CFAP299: variants seen among roughly 807,000 people sequenced by gnomAD.
CFAP299 encodes cilia- and flagella-associated protein 299.
In CFAP299, 21 loss-of-function variants were observed where a neutral mutation model predicts 27.0. That is an observed-to-expected ratio of 0.78 (90% CI 0.55 to 1.12). CFAP299 has a LOEUF of 1.12. CFAP299 is among the 50% of genes most tolerant of loss of function. CFAP299 has a pLI of 0.00. For missense variants in CFAP299, 310 were observed against 276.6 expected (o/e 1.12, Z -0.86); for synonymous variants, 104 against 98.1 (o/e 1.06, Z -0.36).
At chr4:80,634,472 T>G (rs1207210276) in intron 3 of CFAP299, among the ~76,000 whole-genome samples, 1 of 32,668 alleles carries the variant, frequency 3.1e-5, no homozygotes, top group African/African-American at 1.2e-4. Flanking sequence ...TCATATGTCA[T>G]TTCATTATAT....
At chr4:80,956,077 A>G (rs1184282021) in intron 5 of CFAP299, among the ~76,000 whole-genome samples, 2 of 152,158 alleles carry the variant, frequency 1.3e-5, no homozygotes, top group African/African-American at 4.8e-5. Flanking sequence ...ACTTGTGGAA[A>G]TTTAGTTTGG....
intron 3 of CFAP299, among the ~76,000 whole-genome samples, chr4:80,862,762 T>C (rs1212807141): frequency 1.3e-5 from 2 of 152,152 alleles, no homozygotes; most frequent in Non-Finnish European, 2.9e-5. Context: ...GTGCTAAACA[T>C]AACCCTGTGA....
At chr4:80,720,198 C>T (rs1038904162) in intron 3 of CFAP299, among the ~76,000 whole-genome samples, 2 of 152,064 alleles carry the variant, frequency 1.3e-5, no homozygotes, top group African/African-American at 2.4e-5. Flanking sequence ...GAGGACCCCC[C>T]CTCAAGAACT....
chr4:80,517,892 C>T (rs1032967773), intron 2 of CFAP299, among the ~76,000 whole-genome samples: 2 of 152,132 alleles, frequency 1.3e-5, no homozygotes, highest in African/African-American at 4.8e-5. Context: ...AGTGGAGACA[C>T]AGGTAGGCTC....
At chr4:80,898,286 G>A (rs561126428) in intron 4 of CFAP299, among the ~76,000 whole-genome samples, 52 of 152,068 alleles carry the variant, frequency 3.4e-4, no homozygotes, top group Non-Finnish European at 7.2e-4. Context: ...AAAGGGGATG[G>A]GGCAGGATGG....
chr4:80,494,026 C>T (rs568736476), intron 2 of CFAP299, among the ~76,000 whole-genome samples: 65 of 152,108 alleles, frequency 4.3e-4, no homozygotes, highest in Non-Finnish European at 7.2e-4. Context: ...CCACCCGCCT[C>T]GGCCTCCCAA....
Position 80,458,308 on chromosome 4 carries a change from G to A in CFAP299, c.242+95424G>A, listed in dbSNP as rs190037682. ...GTTATATCTTGAAGAATCTAGTTCC[G>A]TGTCTGGGAATGGAACCCAGGCTGC... On this transcript the variant is annotated intron_variant, in intron 2 of 5. Transcript: ENST00000358105. Among the ~76,000 whole-genome samples the A allele has an allele frequency of 4.6e-5, 7 of 152,210 alleles. No homozygotes were observed. The East Asian group carries it at 5.8e-4, about 13-fold the overall frequency.
At chr4:80,643,019 G>A (rs539158304) in intron 3 of CFAP299, among the ~76,000 whole-genome samples, 4 of 151,796 alleles carry the variant, frequency 2.6e-5, no homozygotes, top group East Asian at 2.0e-4. Flanking sequence ...ATGTAGGGCC[G>A]GGTGTGGTGA....
At chr4:80,800,685 A>G (rs1023711886) in intron 3 of CFAP299, among the ~76,000 whole-genome samples, 2 of 116,740 alleles carry the variant, frequency 1.7e-5, no homozygotes, top group South Asian at 2.3e-4. Flanking sequence ...TATATGATAT[A>G]TTATATATAT....
intron 3 of CFAP299, among the ~76,000 whole-genome samples, chr4:80,767,786 CCTTA>C (rs570271279): frequency 7.9e-4 from 120 of 152,160 alleles, no homozygotes; most frequent in African/African-American, 1.1e-3. Flanking sequence ...ACTTTCATCA[CCTTA>C]CTTATTTATT....
chr4:80,855,831 A>C (rs1159479773), intron 3 of CFAP299, among the ~76,000 whole-genome samples: 1 of 151,812 alleles, frequency 6.6e-6, no homozygotes, highest in Non-Finnish European at 1.5e-5. Flanking sequence ...GTTGGTTCCA[A>C]GTCTTTGCTA....
intron 3 of CFAP299, among the ~76,000 whole-genome samples, chr4:80,597,665 C>T (rs1369623826): frequency 6.6e-6 from 1 of 151,968 alleles, no homozygotes; most frequent in East Asian, 1.9e-4. Flanking sequence ...TTTATGTTTA[C>T]ACTTAGATGT....
chr4:80,602,750 G>T (rs544086064), intron 3 of CFAP299, among the ~76,000 whole-genome samples: 1 of 152,070 alleles, frequency 6.6e-6, no homozygotes, highest in South Asian at 2.1e-4. Flanking sequence ...TTTCAAACAA[G>T]GCCATCCTGT....
chr4:80,868,917 G>C (rs1321239817), intron 3 of CFAP299, among the ~76,000 whole-genome samples: 50 of 150,912 alleles, frequency 3.3e-4, no homozygotes, highest in African/African-American at 1.0e-3. Flanking sequence ...GTGTGTGTGT[G>C]TGTGTGTGTG....
chr4:80,534,725 C>A (rs2110191419), intron 2 of CFAP299, among the ~76,000 whole-genome samples: 1 of 152,146 alleles, frequency 6.6e-6, no homozygotes, highest in African/African-American at 2.4e-5. Flanking sequence ...CTAGAAATGT[C>A]ACTAAAATTG....
In CFAP299 at chr4:80,363,520, G is replaced by A. The variant is rs115228594; in HGVS notation, c.242+636G>A. ...TCATTAAAGTATAAATGTTGGGGAG[G>A]ATAATTACTTAGAAATCAGTATACT... On this transcript the variant is annotated intron_variant, in intron 2 of 5. Coordinates refer to ENST00000358105, the MANE Select transcript of CFAP299 (RefSeq NM_152770.3). Among the ~76,000 whole-genome samples the A allele has an allele frequency of 9.5e-3, 1,445 of 152,124 alleles. 11 individuals carry two copies. Among genetic ancestry groups the A allele is most frequent in the Non-Finnish European group, 0.013 (879 of 67,988 alleles).
chr4:80,416,908 G>A (rs1727040493), intron 2 of CFAP299, among the ~76,000 whole-genome samples: 1 of 152,158 alleles, frequency 6.6e-6, no homozygotes, highest in African/African-American at 2.4e-5. Flanking sequence ...TGGATCTCAT[G>A]CAAGAAATAA....
chr4:80,674,504 G>A (rs577930394), intron 3 of CFAP299, among the ~76,000 whole-genome samples: 26 of 152,016 alleles, frequency 1.7e-4, no homozygotes, highest in Non-Finnish European at 1.8e-4. Flanking sequence ...TGTGTCTTGG[G>A]GTTGCTCTTC....
At chr4:80,441,810 C>A (rs1365897195) in intron 2 of CFAP299, among the ~76,000 whole-genome samples, 1 of 152,114 alleles carries the variant, frequency 6.6e-6, no homozygotes, top group Admixed American at 6.5e-5. Context: ...TTCAGGAGAA[C>A]CTACTCATGT....
Sources: gnomAD v4.1 joint callset for allele counts (sites outside exome capture counted in the v4.1 genomes callset) on GRCh38, gnomAD v4.1.1 for gene constraint, MANE v1.5 for transcripts, NCBI Gene and HGNC (gene_info 2026-07-23, HGNC 2026-07-21) for gene names.